AXDND1: variants seen among roughly 807,000 people sequenced by gnomAD.
The protein encoded by AXDND1 is axonemal dynein light chain domain containing 1.
A neutral mutation model predicts 137.5 loss-of-function variants in AXDND1; 110 were observed. The observed-to-expected ratio is 0.80, with a 90% CI of 0.69 to 0.94. The LOEUF (loss-of-function observed/expected upper bound fraction) is 0.94, where lower values mean the gene tolerates loss of function less well. Among genes scored for constraint, AXDND1 ranks in the 40% least tolerant of loss-of-function variants. The pLI is 0.00. For missense variants in AXDND1, 1,191 were observed against 1,169.8 expected, an observed-to-expected ratio of 1.02 and a Z score of -0.26; for synonymous variants, 414 against 399.7, an observed-to-expected ratio of 1.04 and a Z score of -0.43.
At chr1:179,549,251 C>G (rs770855796) in intron 25 of AXDND1, among the ~76,000 whole-genome samples, 1 of 152,190 alleles carries the variant, frequency 6.6e-6, no homozygotes, top group African/African-American at 2.4e-5. Flanking sequence ...TAGCCAGTTT[C>G]TGAAGAATTT....
chr1:179,472,191 G>A (rs12140035), intron 17 of AXDND1, among the ~76,000 whole-genome samples: 69,475 of 152,040 alleles, frequency 0.46, 16,757 homozygotes, highest in East Asian at 0.76. Context: ...CACTGCGCCC[G>A]GACTATGTCT....
At chr1:179,534,140 A>G (rs1478693146) in intron 24 of AXDND1, among the ~76,000 whole-genome samples, 2 of 152,220 alleles carry the variant, frequency 1.3e-5, no homozygotes, top group African/African-American at 4.8e-5. Context: ...ATCCAGTTCA[A>G]TGTTTGTTTC....
At chr1:179,420,314 C>A (rs1655478082) in intron 12 of AXDND1, among the ~76,000 whole-genome samples, 1 of 152,118 alleles carries the variant, frequency 6.6e-6, no homozygotes, top group Admixed American at 6.5e-5. Flanking sequence ...GGTGAATGAT[C>A]TTTTTTAACA....
chr1:179,395,283 C>A, intron 11 of AXDND1, 81 bp downstream of exon 11: 1 of 1,052,586 alleles, frequency 9.5e-7, no homozygotes, highest in Non-Finnish European at 1.4e-6. Context: ...ATATATGATA[C>A]TATAACTTCT....
intron 12 of AXDND1, among the ~76,000 whole-genome samples, chr1:179,424,985 CTG>C (rs1404353876): frequency 2.5e-4 from 38 of 152,128 alleles, no homozygotes; most frequent in African/African-American, 9.2e-4. Flanking sequence ...TTTCTTAAAA[CTG>C]TAGTTTTGAA....
intron 16 of AXDND1, among the ~76,000 whole-genome samples, chr1:179,459,994 T>TCCTTCCTCTCCTC (rs1485064066): frequency 6.7e-4 from 92 of 138,338 alleles, no homozygotes; most frequent in African/African-American, 2.4e-3. Flanking sequence ...TTTCTTTCCT[T>TCCTTCCTCTCCTC]CCTTCCTTCC....
intron 20 of AXDND1, among the ~76,000 whole-genome samples, chr1:179,506,087 T>G (rs947590223): frequency 5.3e-5 from 8 of 152,202 alleles, no homozygotes; most frequent in Non-Finnish European, 1.0e-4. Flanking sequence ...CAAGAACTAC[T>G]GCAGCCTAGA....
intron 17 of AXDND1, among the ~76,000 whole-genome samples, chr1:179,476,695 A>T (rs143353333): frequency 1.3e-5 from 2 of 151,986 alleles, no homozygotes; most frequent in East Asian, 3.9e-4. Flanking sequence ...TTTGGCACCT[A>T]TTGTTTATTT....
intron 25 of AXDND1, among the ~76,000 whole-genome samples, chr1:179,539,256 C>G (rs1206566958): frequency 6.6e-6 from 1 of 152,086 alleles, no homozygotes; most frequent in Non-Finnish European, 1.5e-5. Flanking sequence ...TTATTTTGCC[C>G]ATTAGTTGAT....
intron 20 of AXDND1, among the ~76,000 whole-genome samples, chr1:179,497,577 C>A (rs998313283): frequency 7.2e-5 from 11 of 152,116 alleles, no homozygotes; most frequent in African/African-American, 2.4e-4. Flanking sequence ...AAAGCTTGAA[C>A]CATTCCCCTT....
At chr1:179,514,451 C>G (rs1331507168) in intron 21 of AXDND1, among the ~76,000 whole-genome samples, 1 of 151,948 alleles carries the variant, frequency 6.6e-6, no homozygotes, top group Non-Finnish European at 1.5e-5. Context: ...TTTCAATTTT[C>G]TTAAATTTAT....
At chr1:179,459,678 CTTCTT>C (rs757999814) in intron 16 of AXDND1, among the ~76,000 whole-genome samples, 8 of 111,758 alleles carry the variant, frequency 7.2e-5, no homozygotes, top group Non-Finnish European at 1.4e-4. Flanking sequence ...TTTCTTTTCT[CTTCTT>C]TTCTTTTCTT....
intron 25 of AXDND1, chr1:179,544,075 CT>C (rs1375981788): frequency 6.6e-6 from 1 of 152,628 alleles, no homozygotes; most frequent in East Asian, 1.9e-4. Flanking sequence ...CCAGATATCA[CT>C]GCGTTATAGA....
chr1:179,525,901 T>G (rs528382973), intron 22 of AXDND1, among the ~76,000 whole-genome samples: 417 of 152,256 alleles, frequency 2.7e-3, no homozygotes, highest in Non-Finnish European at 4.4e-3. Context: ...AGTTTCCTTC[T>G]TTTCCTCATA....
chr1:179,438,129 G>C (rs944658589), intron 15 of AXDND1, among the ~76,000 whole-genome samples: 1 of 151,986 alleles, frequency 6.6e-6, no homozygotes, highest in Non-Finnish European at 1.5e-5. Context: ...TCCAGCCTGG[G>C]CCACAGAGTG....
chr1:179,445,792 T>C (rs1379309713), intron 16 of AXDND1, among the ~76,000 whole-genome samples: 1 of 152,248 alleles, frequency 6.6e-6, no homozygotes, highest in African/African-American at 2.4e-5. Flanking sequence ...CTATTATGAA[T>C]ATTGCTGACA....
intron 15 of AXDND1, among the ~76,000 whole-genome samples, chr1:179,442,981 G>A (rs572702191): frequency 6.6e-6 from 1 of 152,284 alleles, no homozygotes; most frequent in Admixed American, 6.5e-5. Context: ...AGGTAAAAGA[G>A]ATAGCGAGAA....
At chr1:179,407,184 A>G (rs1205266378) in intron 11 of AXDND1, among the ~76,000 whole-genome samples, 1 of 150,740 alleles carries the variant, frequency 6.6e-6, no homozygotes, top group East Asian at 1.9e-4. Flanking sequence ...TTGAAGGATG[A>G]CTTTGCTAGG....
chr1:179,373,076 C>T (rs1245952876), intron 4 of AXDND1, among the ~76,000 whole-genome samples: 1 of 152,120 alleles, frequency 6.6e-6, no homozygotes, highest in Non-Finnish European at 1.5e-5. Context: ...TTAAAGGTTC[C>T]ACTTCATAAT....
Sources: gnomAD v4.1 joint callset for allele counts (sites outside exome capture counted in the v4.1 genomes callset) on GRCh38, gnomAD v4.1.1 for gene constraint, MANE v1.5 for transcripts, NCBI Gene and HGNC (gene_info 2026-07-23, HGNC 2026-07-21) for gene names.